RNF150: variants seen among roughly 807,000 people sequenced by gnomAD.
The protein encoded by RNF150 is ring finger protein 150.
In RNF150, 24 loss-of-function variants were observed where a neutral mutation model predicts 39.3. The ratio of observed to expected loss-of-function variants is 0.61; its 90% CI spans 0.44 to 0.86. The LOEUF is 0.86. RNF150 is among the 40% of genes least tolerant of loss of function. The probability of loss-of-function intolerance (pLI) is 0.00; values close to 1 mark genes in which losing one functional copy is unlikely to be tolerated. For missense variants in RNF150, 502 were observed against 587.8 expected (o/e 0.85, Z 1.51); for synonymous variants, 255 against 227.3 (o/e 1.12, Z -1.10).
At chr4:140,908,911 A>C (rs1730490363) in intron 6 of RNF150, among the ~76,000 whole-genome samples, 1 of 152,136 alleles carries the variant, frequency 6.6e-6, no homozygotes, top group South Asian at 2.1e-4. Flanking sequence ...TTGAAAACCA[A>C]ATGGTCATTC....
chr4:141,094,393 A>G (rs982864344), intron 1 of RNF150, among the ~76,000 whole-genome samples: 5 of 152,260 alleles, frequency 3.3e-5, no homozygotes, highest in African/African-American at 1.2e-4. Context: ...CTGAAAGACA[A>G]TGGAATATTG....
intron 1 of RNF150, among the ~76,000 whole-genome samples, chr4:141,038,250 C>T (rs918903847): frequency 6.6e-5 from 10 of 152,230 alleles, no homozygotes; most frequent in South Asian, 2.1e-4. Context: ...CTGGTGTGCA[C>T]GCTACACCCC....
chr4:141,203,658 G>A (rs1728327729), intron 1 of RNF150, among the ~76,000 whole-genome samples: 1 of 151,666 alleles, frequency 6.6e-6, no homozygotes, highest in Non-Finnish European at 1.5e-5. Context: ...AATTAGCTTA[G>A]GACAACCTTC....
intron 1 of RNF150, among the ~76,000 whole-genome samples, chr4:141,145,847 C>T (rs1371700770): frequency 1.3e-5 from 2 of 152,150 alleles, no homozygotes; most frequent in African/African-American, 2.4e-5. Context: ...GGTTCAGGTT[C>T]CCCACTTTTA....
intron 1 of RNF150, among the ~76,000 whole-genome samples, chr4:141,179,197 A>G (rs1260777048): frequency 6.6e-6 from 1 of 152,166 alleles, no homozygotes; most frequent in Non-Finnish European, 1.5e-5. Flanking sequence ...CTGGTCGTTG[A>G]TTGGTAGACA....
intron 1 of RNF150, among the ~76,000 whole-genome samples, chr4:141,109,307 C>A (rs569239624): frequency 2.5e-4 from 38 of 152,038 alleles, no homozygotes; most frequent in African/African-American, 7.7e-4. Context: ...TGAAGCCATT[C>A]CGATTCATAA....
intron 5 of RNF150, among the ~76,000 whole-genome samples, chr4:140,925,113 G>T (rs999465310): frequency 5.9e-5 from 9 of 152,176 alleles, no homozygotes; most frequent in Non-Finnish European, 1.5e-5. Context: ...GGCTGAGGGG[G>T]AGCTGGCATC....
intron 1 of RNF150, among the ~76,000 whole-genome samples, chr4:141,040,210 A>G (rs1156399224): frequency 6.6e-6 from 1 of 152,118 alleles, no homozygotes; most frequent in African/African-American, 2.4e-5. Flanking sequence ...ATCAGGTAAA[A>G]CCAGTAAGGT....
At chr4:141,069,724 G>A (rs1737615312) in intron 1 of RNF150, among the ~76,000 whole-genome samples, 1 of 150,966 alleles carries the variant, frequency 6.6e-6, no homozygotes, top group African/African-American at 2.4e-5. Context: ...ATTGATTATT[G>A]CCACAATTTC....
intron 1 of RNF150, among the ~76,000 whole-genome samples, chr4:141,089,597 T>G (rs1254749809): frequency 6.6e-6 from 1 of 152,164 alleles, no homozygotes; most frequent in East Asian, 1.9e-4. Context: ...CTGACCTAAT[T>G]TTGGCAGTGT....
intron 1 of RNF150, among the ~76,000 whole-genome samples, chr4:141,042,648 A>T (rs1034699372): frequency 1.3e-5 from 2 of 152,150 alleles, no homozygotes; most frequent in African/African-American, 4.8e-5. Flanking sequence ...CAGAAAAGTA[A>T]ACACTAGAAT....
chr4:140,872,356 T>C (rs1467929472), intron 6 of RNF150, among the ~76,000 whole-genome samples: 1 of 152,214 alleles, frequency 6.6e-6, no homozygotes, highest in Non-Finnish European at 1.5e-5. Flanking sequence ...TTTATTCCAG[T>C]TTATAGATGA....
intron 1 of RNF150, among the ~76,000 whole-genome samples, chr4:141,115,505 A>G (rs1205309473): frequency 1.3e-5 from 2 of 152,224 alleles, no homozygotes; most frequent in Non-Finnish European, 2.9e-5. Flanking sequence ...ACACAAACAA[A>G]TGGAAAAACA....
At chr4:141,047,916 C>A (rs545894202) in intron 1 of RNF150, among the ~76,000 whole-genome samples, 47 of 152,254 alleles carry the variant, frequency 3.1e-4, no homozygotes, top group African/African-American at 1.0e-3. Flanking sequence ...ATTACCCAGG[C>A]AGCCACCTAC....
chr4:140,991,313 G>A (rs1164892864), intron 1 of RNF150, among the ~76,000 whole-genome samples: 1 of 152,118 alleles, frequency 6.6e-6, no homozygotes, highest in East Asian at 1.9e-4. Context: ...TCACTCTGAT[G>A]ATAGTTTCTT....
At chr4:140,978,040 C>T (rs190059328) in intron 1 of RNF150, among the ~76,000 whole-genome samples, 1 of 152,152 alleles carries the variant, frequency 6.6e-6, no homozygotes, top group East Asian at 1.9e-4. Flanking sequence ...AAATAGTTCC[C>T]AAGAGATAAA....
At chr4:141,032,247 G>T (rs1216000121) in intron 1 of RNF150, among the ~76,000 whole-genome samples, 1 of 152,104 alleles carries the variant, frequency 6.6e-6, no homozygotes, top group Non-Finnish European at 1.5e-5. Context: ...ACTCATGGAA[G>T]CAGAGAGTCG....
chr4:141,184,471 T>G (rs970675721), intron 1 of RNF150, among the ~76,000 whole-genome samples: 14 of 152,246 alleles, frequency 9.2e-5, no homozygotes, highest in Admixed American at 9.2e-4. Flanking sequence ...ACTCTGATGA[T>G]AGTTTCTTTT....
chr4:140,909,905 T>G (rs1730525853), intron 6 of RNF150, among the ~76,000 whole-genome samples: 1 of 152,216 alleles, frequency 6.6e-6, no homozygotes, highest in South Asian at 2.1e-4. Context: ...TCAAGTCACC[T>G]TCTGTCAAGG....
Sources: gnomAD v4.1 joint callset for allele counts (sites outside exome capture counted in the v4.1 genomes callset) on GRCh38, gnomAD v4.1.1 for gene constraint, MANE v1.5 for transcripts, NCBI Gene and HGNC (gene_info 2026-07-23, HGNC 2026-07-21) for gene names.